Variants in SHTN1 observed in about 807,000 individuals in gnomAD.
SHTN1 encodes shootin-1.
In SHTN1, 42 loss-of-function variants were observed where a neutral mutation model predicts 83.1. The ratio of observed to expected loss-of-function variants is 0.51; its 90% CI spans 0.39 to 0.65. The LOEUF (loss-of-function observed/expected upper bound fraction) is 0.65. Among genes scored for constraint, SHTN1 ranks in the 30% least tolerant of loss-of-function variants. SHTN1 has a pLI of 0.00. For synonymous variants in SHTN1, 224 were observed against 247.7 expected, an observed-to-expected ratio of 0.90 and a Z score of 0.90; for missense variants, 622 against 737.8, an observed-to-expected ratio of 0.84 and a Z score of 1.82.
intron 2 of SHTN1, among the ~76,000 whole-genome samples, chr10:117,029,903 T>A (rs967906328): frequency 2.8e-4 from 43 of 151,048 alleles, no homozygotes; most frequent in Non-Finnish European, 5.8e-4. Flanking sequence ...TCTTTTTTTT[T>A]TTTTTTGTGT....
chr10:117,118,217 A>G lies in SHTN1; in HGVS notation c.-189+8090T>C, dbSNP rs527813393. 3.3e-5 allele frequency among the ~76,000 whole-genome samples: 5 copies of G among 152,272 alleles called. No homozygotes were observed. The East Asian group carries it at 9.6e-4, about 29-fold the overall frequency. On this transcript the variant is annotated intron_variant, in intron 1 of 17. Coordinates refer to the SHTN1 transcript ENST00000392901. ...GGAAAACACACATACATACACACAA[A>G]TAATCCAATTAAAAAAGGGCAAAAG...
intron 1 of SHTN1, among the ~76,000 whole-genome samples, chr10:116,983,681 T>C (rs1307430654): frequency 6.3e-5 from 1 of 15,998 alleles, no homozygotes; most frequent in Non-Finnish European, 4.1e-4. Flanking sequence ...GATAGATAGA[T>C]AGATAAATAC....
rs1589816337 is a variant in SHTN1, at chr10:116,929,964, G to C, written c.897C>G (p.Leu299=). ...ELEEQLENET[L]HKEIHNLKQQ... ...GTTTGAGGTTGTGTATTTCTTTGTG[G>C]AGTGTTTCATTTTCTAGTTGCTCTT... is the stretch of plus-strand genomic sequence containing the variant. Residue 299 remains leucine, a synonymous_variant, in exon 10 of 17, where the codon CTC becomes CTG. Transcript: ENST00000355371. 6.2e-7 allele frequency: 1 copy of C among 1,600,602 alleles called. No individual in the cohort carries two copies. The highest frequency in any genetic ancestry group is 1.3e-5 in the African/African-American group (1 of 74,184).
At position 117,107,420 on chromosome 10, in the gene SHTN1, C is replaced by T. The variant is rs576745347; in HGVS notation, c.-189+18887G>A. ...GCCACAAAGCTTCACTCACATACTCCGTTCCGCAATAGGACCCAGAACCTA... is the reference window on the plus strand; with the variant it reads ...GCCACAAAGCTTCACTCACATACTCTGTTCCGCAATAGGACCCAGAACCTA... On this transcript the variant is annotated intron_variant, in intron 1 of 17. Coordinates refer to the SHTN1 transcript ENST00000392901. Among the ~76,000 whole-genome samples, 68 of 151,478 alleles carry T rather than the reference C, an allele frequency of 4.5e-4. No individual in the cohort carries two copies. The Middle Eastern group carries it at 0.01, about 23-fold the overall frequency.
At chr10:117,052,752 G>A (rs1312584863) in intron 1 of SHTN1, among the ~76,000 whole-genome samples, 1 of 151,774 alleles carries the variant, frequency 6.6e-6, no homozygotes, top group East Asian at 1.9e-4. Flanking sequence ...GAGTGCGGTG[G>A]CTCACGCCTC....
chr10:116,942,465 G>A (rs1050714790), intron 8 of SHTN1, among the ~76,000 whole-genome samples: 9 of 151,772 alleles, frequency 5.9e-5, no homozygotes, highest in Non-Finnish European at 7.4e-5. Context: ...CCCCCGCCTC[G>A]GCCTCCCAAA....
At chr10:117,036,024 A>G (rs1165303862) in intron 2 of SHTN1, among the ~76,000 whole-genome samples, 1 of 151,804 alleles carries the variant, frequency 6.6e-6, no homozygotes, top group East Asian at 1.9e-4. Context: ...TCAAATAGGC[A>G]TATGAAAAGG....
At chr10:117,105,710 A>C (rs568346895) in intron 1 of SHTN1, among the ~76,000 whole-genome samples, 2 of 152,330 alleles carry the variant, frequency 1.3e-5, no homozygotes, top group South Asian at 4.1e-4. Context: ...TTATCCTCCC[A>C]AAATAATCAT....
chr10:117,037,899 G>T (rs1852522806), intron 2 of SHTN1, among the ~76,000 whole-genome samples: 3 of 18 alleles, frequency 0.17, no homozygotes, highest in Non-Finnish European at 0.3. Flanking sequence ...CCAGGTACTT[G>T]GGGAGGTGAG....
At chr10:117,056,004 A>C (rs540255342) in intron 1 of SHTN1, among the ~76,000 whole-genome samples, 1 of 152,356 alleles carries the variant, frequency 6.6e-6, no homozygotes, top group East Asian at 1.9e-4. Context: ...AAATACCACA[A>C]GTTACCAAAA....
At chr10:116,995,130 A>G (rs1851582780) in intron 1 of SHTN1, among the ~76,000 whole-genome samples, 1 of 152,110 alleles carries the variant, frequency 6.6e-6, no homozygotes, top group Non-Finnish European at 1.5e-5. Flanking sequence ...TGGCCATTTT[A>G]AGTCTTGTTG....
intron 1 of SHTN1, among the ~76,000 whole-genome samples, chr10:116,987,453 G>A (rs1851257523): frequency 2.0e-5 from 3 of 152,152 alleles, no homozygotes; most frequent in Admixed American, 1.3e-4. Context: ...AGTATCCGGT[G>A]TTAAGAATTA....
At chr10:116,966,899 T>C (rs1025109491) in intron 3 of SHTN1, among the ~76,000 whole-genome samples, 5 of 152,216 alleles carry the variant, frequency 3.3e-5, no homozygotes, top group African/African-American at 1.2e-4. Context: ...TTGGAATTCA[T>C]ACATTTGCAA....
intron 2 of SHTN1, among the ~76,000 whole-genome samples, chr10:117,015,384 T>G (rs1203225420): frequency 6.6e-6 from 1 of 152,154 alleles, no homozygotes; most frequent in Non-Finnish European, 1.5e-5. Context: ...CAGGCTGGAG[T>G]GCAATGGCAC....
At chr10:117,084,045 C>T (rs1223384734) in intron 1 of SHTN1, among the ~76,000 whole-genome samples, 2 of 152,136 alleles carry the variant, frequency 1.3e-5, no homozygotes, top group Admixed American at 6.5e-5. Flanking sequence ...TCTCTCAGCT[C>T]GTCAAAGTCA....
chr10:116,889,581 G>A (rs930072054), intron 16 of SHTN1, among the ~76,000 whole-genome samples: 3 of 152,192 alleles, frequency 2.0e-5, no homozygotes, highest in African/African-American at 7.2e-5. Context: ...GAGGATGATG[G>A]GGCATGAAGA....
intron 11 of SHTN1, among the ~76,000 whole-genome samples, chr10:116,925,134 G>A (rs1212997743): frequency 1.3e-5 from 2 of 152,120 alleles, no homozygotes; most frequent in Admixed American, 6.5e-5. Flanking sequence ...ACTGGGCCAC[G>A]GGGTGCCTGA....
chr10:116,979,501 G>T (rs550998635), intron 1 of SHTN1, among the ~76,000 whole-genome samples, 193 bp from the exon 2 acceptor site: 1 of 152,286 alleles, frequency 6.6e-6, no homozygotes, highest in East Asian at 1.9e-4. Flanking sequence ...TGCCCAGGCT[G>T]GTCTCAAAAC....
rs192871174 is a variant in SHTN1, at chr10:116,940,052, C to T, written c.858+414G>A. Among the ~76,000 whole-genome samples the T allele has an allele frequency of 2.2e-3, 339 of 152,328 alleles. 1 individual carries two copies. Among genetic ancestry groups the T allele is most frequent in the African/African-American group, 7.6e-3 (318 of 41,570 alleles). On this transcript the variant is annotated intron_variant, in intron 9 of 16. Coordinates refer to ENST00000355371, the MANE Select transcript of SHTN1 (RefSeq NM_001127211.3). ...AGCAAACAATTACTACTAATACGGA[C>T]TGTCATTTTCTTTGAATAAAACCTA... is the stretch of plus-strand genomic sequence containing the variant.
Sources: gnomAD v4.1 joint callset for allele counts (sites outside exome capture counted in the v4.1 genomes callset) on GRCh38, gnomAD v4.1.1 for gene constraint, MANE v1.5 for transcripts, NCBI Gene and HGNC (gene_info 2026-07-23, HGNC 2026-07-21) for gene names.